The following DLGAP2 variants were observed in gnomAD, a reference collection of about 807,000 sequenced individuals.
DLGAP2 encodes the protein DLG associated protein 2, also known as disks large-associated protein 2.
Under a neutral mutation model 100.3 loss-of-function variants are expected in DLGAP2, and 26 were observed. The observed-to-expected ratio is 0.26, with a 90% CI of 0.19 to 0.36. DLGAP2 has a LOEUF of 0.36. DLGAP2 is among the 10% of genes least tolerant of loss of function. The pLI is 1.00. For missense variants in DLGAP2, 1,858 were observed against 1,453.2 expected (o/e 1.28, Z -4.53); for synonymous variants, 886 against 630.1 (o/e 1.41, Z -6.08).
At chr8:822,272 T>C in intron 1 of DLGAP2, 1 of 399,350 alleles carries the variant, frequency 2.5e-6, no homozygotes, top group Non-Finnish European at 4.4e-6. Context: ...CTTCCTGCTG[T>C]GATGGGTGCT....
At chr8:1,498,899 C>G (rs1188577718) in intron 3 of DLGAP2, among the ~76,000 whole-genome samples, 3 of 152,180 alleles carry the variant, frequency 2.0e-5, no homozygotes, top group African/African-American at 7.2e-5. Flanking sequence ...TTAAGCTCTC[C>G]CAGCTAGAAG....
chr8:1,107,642 G>A (rs1484050070), intron 2 of DLGAP2, among the ~76,000 whole-genome samples: 1 of 152,196 alleles, frequency 6.6e-6, no homozygotes, highest in Non-Finnish European at 1.5e-5. Flanking sequence ...CGTGTGCCTG[G>A]AAGGGCTTCC....
chr8:1,012,241 G>C (rs1239651130), intron 2 of DLGAP2, among the ~76,000 whole-genome samples: 1 of 152,104 alleles, frequency 6.6e-6, no homozygotes. Context: ...TTCCATCTTT[G>C]ACAGGCTTAA....
chr8:946,907 G>C (rs1210784403), intron 2 of DLGAP2, among the ~76,000 whole-genome samples: 1 of 152,192 alleles, frequency 6.6e-6, no homozygotes, highest in African/African-American at 2.4e-5. Context: ...TAAAGCAGGA[G>C]GAAAAGCCAC....
intron 3 of DLGAP2, among the ~76,000 whole-genome samples, chr8:1,483,712 C>CCAGGGAGGCAGGTGCAGGAT (rs1563176051): frequency 1.2e-3 from 9 of 7,540 alleles, no homozygotes; most frequent in African/African-American, 2.5e-3. Flanking sequence ...AGGTGCAGGA[C>CCAGGGAGGCAGGTGCAGGAT]GTGGGGACCA....
At chr8:1,263,956 C>G (rs1184052665) in intron 3 of DLGAP2, among the ~76,000 whole-genome samples, 8 of 152,158 alleles carry the variant, frequency 5.3e-5, no homozygotes, top group Non-Finnish European at 8.8e-5. Context: ...AGACTCAGCT[C>G]TAGCCAGTCT....
intron 3 of DLGAP2, among the ~76,000 whole-genome samples, chr8:1,414,427 C>T (rs553048178): frequency 5.3e-5 from 8 of 152,286 alleles, no homozygotes; most frequent in South Asian, 4.2e-4. Flanking sequence ...CCCATGGAGC[C>T]GGTCAAGTGT....
At chr8:1,437,465 G>C (rs1044566511) in intron 3 of DLGAP2, among the ~76,000 whole-genome samples, 2 of 152,116 alleles carry the variant, frequency 1.3e-5, no homozygotes, top group Non-Finnish European at 2.9e-5. Context: ...CGATGTTTTC[G>C]GTGAAGCGCT....
At chr8:831,723 A>G (rs1367205073) in intron 1 of DLGAP2, among the ~76,000 whole-genome samples, 4 of 152,322 alleles carry the variant, frequency 2.6e-5, no homozygotes, top group South Asian at 2.1e-4. Context: ...TCCTTTGGGT[A>G]TATACCCAGT....
intron 1 of DLGAP2, among the ~76,000 whole-genome samples, chr8:843,526 G>A (rs1025574583): frequency 1.3e-5 from 2 of 152,202 alleles, no homozygotes; most frequent in Admixed American, 6.5e-5. Flanking sequence ...GGGTTCCACC[G>A]GGCCTGGCCT....
chr8:1,140,351 G>A (rs921490255), intron 2 of DLGAP2, among the ~76,000 whole-genome samples: 1 of 124,678 alleles, frequency 8.0e-6, no homozygotes, highest in African/African-American at 2.7e-5. Context: ...AGGCAGAACA[G>A]GGCACACACA....
chr8:1,692,792 T>C (rs994033918), intron 13 of DLGAP2, among the ~76,000 whole-genome samples: 2 of 151,944 alleles, frequency 1.3e-5, no homozygotes, highest in Non-Finnish European at 2.9e-5. Context: ...ACAGTTGACG[T>C]TAAACTTGGT....
intron 1 of DLGAP2, among the ~76,000 whole-genome samples, chr8:744,555 C>T (rs1305256023): frequency 6.6e-6 from 1 of 151,830 alleles, no homozygotes; most frequent in Non-Finnish European, 1.5e-5. Context: ...CTTCTCCGGC[C>T]ACGTCGCCCT....
intron 6 of DLGAP2, among the ~76,000 whole-genome samples, chr8:1,596,977 C>G (rs2130691395): frequency 6.6e-6 from 1 of 152,214 alleles, no homozygotes. Context: ...AGGTTTTCTT[C>G]TAGGCTTTTT....
intron 6 of DLGAP2, among the ~76,000 whole-genome samples, chr8:1,593,737 G>A (rs1471918223): frequency 1.3e-5 from 2 of 152,132 alleles, no homozygotes; most frequent in Non-Finnish European, 2.9e-5. Flanking sequence ...TGGGCCTGCT[G>A]GAGTCTGGCC....
intron 2 of DLGAP2, among the ~76,000 whole-genome samples, chr8:1,151,445 CG>C (rs1434355165): frequency 1.3e-5 from 2 of 152,126 alleles, no homozygotes; most frequent in Non-Finnish European, 2.9e-5. Context: ...TTGGCCTACG[CG>C]GGGGCAGCTT....
intron 2 of DLGAP2, among the ~76,000 whole-genome samples, chr8:1,048,401 G>A (rs900839791): frequency 6.6e-6 from 1 of 152,060 alleles, no homozygotes; most frequent in Non-Finnish European, 1.5e-5. Context: ...CCTGGTCTCA[G>A]TAAGTGCTGA....
chr8:1,480,853 C>G (rs533799164), intron 3 of DLGAP2, among the ~76,000 whole-genome samples: 1 of 145,748 alleles, frequency 6.9e-6, no homozygotes. Flanking sequence ...GAAACAAGAA[C>G]GAAACTCCAT....
rs548323371 is a variant in DLGAP2, at chr8:1,355,352, T to A, written c.106+96469T>A. On this transcript the variant is annotated intron_variant, in intron 3 of 14. Transcript: ENST00000637795. ...GTTTTTGTTTTTTTATCTAAGCAAGTATGAGTGGTTTTTTGTTTTTGTTTT... is the reference window on the plus strand; with the variant it reads ...GTTTTTGTTTTTTTATCTAAGCAAGAATGAGTGGTTTTTTGTTTTTGTTTT... Among the ~76,000 whole-genome samples the A allele has an allele frequency of 2.6e-5, 4 of 152,134 alleles. No homozygotes were observed. The East Asian group carries it at 7.7e-4, about 29-fold the overall frequency.
Sources: gnomAD v4.1 joint callset for allele counts (sites outside exome capture counted in the v4.1 genomes callset) on GRCh38, gnomAD v4.1.1 for gene constraint, MANE v1.5 for transcripts, NCBI Gene and HGNC (gene_info 2026-07-23, HGNC 2026-07-21) for gene names.